The following PTPRA variants were observed in gnomAD, a reference collection of about 807,000 sequenced individuals.
PTPRA encodes protein tyrosine phosphatase receptor type A.
Under a neutral mutation model 104.8 loss-of-function variants are expected in PTPRA, and 25 were observed. The observed-to-expected ratio is 0.24, with a 90% CI of 0.17 to 0.33. The LOEUF (loss-of-function observed/expected upper bound fraction) is 0.33. PTPRA is among the 10% of genes least tolerant of loss of function. The pLI is 1.00. For synonymous variants in PTPRA, 323 were observed against 368.9 expected (o/e 0.88, Z 1.43); for missense variants, 765 against 1,015.3 (o/e 0.75, Z 3.35).
intron 20 of PTPRA, among the ~76,000 whole-genome samples, chr20:3,031,992 A>T (rs2065482266): frequency 6.6e-6 from 1 of 152,172 alleles, no homozygotes; most frequent in Admixed American, 6.5e-5. Flanking sequence ...ATGACCACAA[A>T]TCTCATAGAG....
intron 3 of PTPRA, among the ~76,000 whole-genome samples, chr20:2,963,882 T>A (rs902632051): frequency 2.0e-5 from 3 of 151,796 alleles, no homozygotes; most frequent in Non-Finnish European, 4.4e-5. Flanking sequence ...CTACAGAAAA[T>A]TTTAAAAATT....
intron 2 of PTPRA, among the ~76,000 whole-genome samples, chr20:2,937,060 C>A (rs772909384): frequency 6.6e-6 from 1 of 151,438 alleles, no homozygotes; most frequent in Non-Finnish European, 1.5e-5. Flanking sequence ...CAACTTTTTA[C>A]CACCTTAAGT....
chr20:2,997,000 C>A (rs2063423256), intron 9 of PTPRA, among the ~76,000 whole-genome samples: 1 of 151,964 alleles, frequency 6.6e-6, no homozygotes, highest in South Asian at 2.1e-4. Flanking sequence ...TTTATAATAG[C>A]AAAGAAGATA....
intron 5 of PTPRA, among the ~76,000 whole-genome samples, chr20:2,966,301 T>G (rs2061943957): frequency 6.6e-6 from 1 of 152,226 alleles, no homozygotes; most frequent in Admixed American, 6.5e-5. Context: ...CTGGCTTACT[T>G]TATCTCTCTA....
intron 2 of PTPRA, among the ~76,000 whole-genome samples, chr20:2,924,262 T>C (rs1212739443): frequency 2.0e-5 from 3 of 151,744 alleles, no homozygotes; most frequent in African/African-American, 4.8e-5. Context: ...ATGAGCTGAG[T>C]GTGGTGGCTC....
chr20:3,023,940 C>T (rs1400793281), intron 16 of PTPRA, among the ~76,000 whole-genome samples: 1 of 152,186 alleles, frequency 6.6e-6, no homozygotes, highest in Non-Finnish European at 1.5e-5. Context: ...AGAAATCGAG[C>T]ACAGAGGAGG....
At chr20:2,870,224 C>A (rs1053961139), upstream of PTPRA, among the ~76,000 whole-genome samples, 11 of 151,860 alleles carry the variant, frequency 7.2e-5, no homozygotes, top group African/African-American at 2.7e-4. Flanking sequence ...CAAAATTAGC[C>A]AGGCGTGGTG....
At chr20:2,965,849 C>T (rs2061926435) in intron 5 of PTPRA, among the ~76,000 whole-genome samples, 1 of 152,142 alleles carries the variant, frequency 6.6e-6, no homozygotes. Context: ...GATCTGAGAC[C>T]AGGGCAGGTA....
At chr20:2,927,374 C>T (rs972782399) in intron 2 of PTPRA, among the ~76,000 whole-genome samples, 29 of 152,116 alleles carry the variant, frequency 1.9e-4, no homozygotes, top group African/African-American at 6.8e-4. Context: ...CAGTTGCTTC[C>T]AATCATGTCT....
At chr20:2,945,554 G>T (rs954236356) in intron 2 of PTPRA, among the ~76,000 whole-genome samples, 1 of 151,740 alleles carries the variant, frequency 6.6e-6, no homozygotes, top group Non-Finnish European at 1.5e-5. Context: ...TGGTCTGTAT[G>T]GAGCACGGAG....
At chr20:2,939,967 G>A (rs921542248) in intron 2 of PTPRA, among the ~76,000 whole-genome samples, 6 of 152,166 alleles carry the variant, frequency 3.9e-5, no homozygotes, top group Admixed American at 2.0e-4. Flanking sequence ...AAAATTAGCC[G>A]GGCATGGTGG....
At chr20:3,019,023 C>T (rs1469641350) in intron 13 of PTPRA, among the ~76,000 whole-genome samples, 4 of 133,856 alleles carry the variant, frequency 3.0e-5, no homozygotes, top group East Asian at 2.4e-4. Flanking sequence ...GCTGGCCGGG[C>T]GGGGGGGCTG....
chr20:3,007,423 A>G lies in PTPRA; in HGVS notation c.906+3A>G, dbSNP rs755653310. On this transcript the variant is annotated splice_donor_region_variant and intron_variant, in intron 11 of 23. Transcript: ENST00000399903. ...ACATCAATGCTTCATTCATCAACGT[A>G]AGGATCGGGTGCTTTCCCTGTCACT... The G allele has an allele frequency of 9.3e-6, 15 of 1,613,198 alleles. No homozygotes were observed. Among genetic ancestry groups the G allele is most frequent in the East Asian group, 2.2e-5 (1 of 44,888 alleles).
intron 5 of PTPRA, among the ~76,000 whole-genome samples, chr20:2,968,299 T>G (rs1193037802): frequency 6.6e-6 from 1 of 152,258 alleles, no homozygotes; most frequent in Non-Finnish European, 1.5e-5. Context: ...AGGATTTTAC[T>G]GCTATCTTAA....
At chr20:2,955,581 T>C (rs2061507077) in intron 3 of PTPRA, 3 of 955,788 alleles carry the variant, frequency 3.1e-6, no homozygotes, top group African/African-American at 3.5e-5. Flanking sequence ...AGAAGACATA[T>C]AATGAAAGTT....
Position 2,954,077 on chromosome 20 carries a change from C to CTT in PTPRA, c.-7+6073_-7+6074dup, listed in dbSNP as rs35144002. Among the ~76,000 whole-genome samples the CTT allele has an allele frequency of 1.0e-3, 103 of 102,590 alleles. 1 individual carries two copies. The highest frequency in any genetic ancestry group is 3.5e-3 in the African/African-American group (91 of 25,738). 67.3% of individuals were successfully genotyped at this position (102,590 alleles called of 152,430 possible). A position where few individuals can be genotyped will look rare whatever the true frequency, so the allele number is the denominator to read the frequency against. On this transcript the variant is annotated intron_variant, in intron 3 of 23. Transcript: ENST00000399903. ...GGCATGTGCCACCATACCCGGCTAA[C>CTT]TTTTTTTTTTTTTTTTTTTTTGAGA...
intron 1 of PTPRA, among the ~76,000 whole-genome samples, chr20:2,921,423 A>C (rs1414902698): frequency 6.7e-6 from 1 of 149,420 alleles, no homozygotes; most frequent in Non-Finnish European, 1.5e-5. Context: ...GCCTGCCATT[A>C]GAACATGTCT....
chr20:3,022,571 C>G lies in PTPRA; in HGVS notation c.1329-118C>G. Reference sequence around the variant, plus strand: ...GGCTCCTGGAGAGCCCCAGCTCTACCCCATTCAGAATTAGGATTTAGACCC... The same window carrying G: ...GGCTCCTGGAGAGCCCCAGCTCTACGCCATTCAGAATTAGGATTTAGACCC... On this transcript the variant is annotated intron_variant, in intron 15 of 23. Transcript: ENST00000399903. This position sits in a 1 kb window ranked among gnomAD's most constrained non-coding sequence, Gnocchi z 4.6. 2 of 1,416,596 alleles carry G rather than the reference C, an allele frequency of 1.4e-6. No homozygotes were observed. The highest frequency in any genetic ancestry group is 4.2e-5 in the Admixed American group (2 of 47,918). The allele number at this position is 1,416,596 out of a possible 1,614,324, so 87.8% of individuals were successfully genotyped here. A position where few individuals can be genotyped will look rare whatever the true frequency, so the allele number is the denominator to read the frequency against.
intron 9 of PTPRA, 105 bp from the exon 10 acceptor site, chr20:3,004,951 C>T (rs2063798204): frequency 9.9e-7 from 1 of 1,011,116 alleles, no homozygotes. Context: ...TTTTTCCCCC[C>T]AGGAAAAGGT....
Sources: allele counts gnomAD v4.1 joint callset (sites outside exome capture counted in the v4.1 genomes callset), GRCh38; gene constraint gnomAD v4.1.1; non-coding constraint Gnocchi (gnomAD v3.1); transcripts MANE v1.5; gene names NCBI Gene and HGNC (gene_info 2026-07-23, HGNC 2026-07-21).